Variants in NFATC1 observed in about 807,000 individuals in gnomAD.
NFATC1 encodes nuclear factor of activated T cells 1.
NFATC1 carries 22 observed loss-of-function variants against 76.0 expected under a neutral mutation model. The observed-to-expected ratio is 0.29, with a 90% confidence interval of 0.21 to 0.41. The LOEUF is 0.41. NFATC1 is among the 10% of genes least tolerant of loss of function. The pLI is 1.00. For missense variants in NFATC1, 1,357 were observed against 1,337.7 expected (o/e 1.01, Z -0.23); for synonymous variants, 704 against 613.1 (o/e 1.15, Z -2.19).
chr18:79,488,128 G>A (rs2089567752), intron 9 of NFATC1, among the ~76,000 whole-genome samples: 1 of 152,212 alleles, frequency 6.6e-6, no homozygotes, highest in South Asian at 2.1e-4. Context: ...CCATCTGCTG[G>A]GAAGGGAGTG....
intron 9 of NFATC1, among the ~76,000 whole-genome samples, chr18:79,517,633 C>G (rs1363957309): frequency 6.6e-6 from 1 of 152,190 alleles, no homozygotes; most frequent in Non-Finnish European, 1.5e-5. Flanking sequence ...AATGACAACT[C>G]TAAAGAAGGA....
chr18:79,511,187 G>A (rs2090241836), intron 9 of NFATC1, among the ~76,000 whole-genome samples: 1 of 152,260 alleles, frequency 6.6e-6, no homozygotes, highest in African/African-American at 2.4e-5. Flanking sequence ...ATTATGTGCA[G>A]TGTTGGAATA....
intron 6 of NFATC1, among the ~76,000 whole-genome samples, chr18:79,457,155 G>A (rs1263593422): frequency 6.6e-6 from 1 of 152,238 alleles, no homozygotes; most frequent in African/African-American, 2.4e-5. Context: ...GTCTTTGGGA[G>A]CAGGACAGGT....
At chr18:79,403,584 G>A (rs1026408593) in intron 1 of NFATC1, among the ~76,000 whole-genome samples, 9 of 152,242 alleles carry the variant, frequency 5.9e-5, no homozygotes, top group Non-Finnish European at 1.0e-4. Flanking sequence ...CAGCACTGTC[G>A]CCGTGGCAAC....
At chr18:79,404,843 C>T (rs989251247) in intron 1 of NFATC1, among the ~76,000 whole-genome samples, 5 of 152,178 alleles carry the variant, frequency 3.3e-5, no homozygotes, top group African/African-American at 4.8e-5. Flanking sequence ...CTCAGCACGG[C>T]GGGGTCTGCA....
intron 9 of NFATC1, among the ~76,000 whole-genome samples, chr18:79,518,507 C>T (rs1048769493): frequency 1.3e-5 from 2 of 152,208 alleles, no homozygotes; most frequent in Admixed American, 6.5e-5. Context: ...CCCCCCCTCT[C>T]GCTCGTGAAA....
Position 79,421,184 on chromosome 18 carries a change from G to A in NFATC1, c.1226+9683G>A, listed in dbSNP as rs139248235. The A allele has an allele frequency of 8.1e-3, 1,240 of 152,430 alleles. 9 individuals are homozygous for A. Among genetic ancestry groups the A allele is most frequent in the Non-Finnish European group, 0.011 (748 of 68,082 alleles). The allele number at this position is 152,430 out of a possible 1,614,324, so 9.4% of individuals were successfully genotyped here. ...GTTCTGATGTTGGTGTGCAAAATCAGTATTGTGCCTTTGTCCCCTCTGACC... is the reference window on the plus strand; with the variant it reads ...GTTCTGATGTTGGTGTGCAAAATCAATATTGTGCCTTTGTCCCCTCTGACC... On this transcript the variant is annotated intron_variant, in intron 2 of 9. Coordinates refer to ENST00000427363, the MANE Select transcript of NFATC1 (RefSeq NM_001278669.2).
At chr18:79,460,543 C>T (rs770422650) in intron 6 of NFATC1, among the ~76,000 whole-genome samples, 1 of 152,244 alleles carries the variant, frequency 6.6e-6, no homozygotes, top group Admixed American at 6.5e-5. Context: ...CGCGTCCTTT[C>T]ACTACACCTC....
chr18:79,416,116 A>G (rs976412524), intron 2 of NFATC1, among the ~76,000 whole-genome samples: 1 of 152,252 alleles, frequency 6.6e-6, no homozygotes, highest in Non-Finnish European at 1.5e-5. Flanking sequence ...GGGCTGCAAT[A>G]TTGAAGATTT....
intron 6 of NFATC1, among the ~76,000 whole-genome samples, chr18:79,456,789 G>T (rs936414540): frequency 1.3e-5 from 2 of 152,200 alleles, no homozygotes; most frequent in Admixed American, 1.3e-4. Flanking sequence ...ATGGACCCGG[G>T]GGATGGCTGC....
chr18:79,482,172 C>T (rs572900915), intron 8 of NFATC1, among the ~76,000 whole-genome samples: 2 of 148,366 alleles, frequency 1.3e-5, no homozygotes, highest in Non-Finnish European at 3.0e-5. Flanking sequence ...TGACCTGGTC[C>T]TGGGGTGTAA....
intron 8 of NFATC1, among the ~76,000 whole-genome samples, chr18:79,475,850 C>T (rs765363199): frequency 6.6e-6 from 1 of 152,194 alleles, no homozygotes; most frequent in East Asian, 1.9e-4. Context: ...GTCCTCAGAG[C>T]GTGTTTTAAA....
intron 3 of NFATC1, among the ~76,000 whole-genome samples, chr18:79,445,208 A>T (rs2087155254): frequency 6.6e-6 from 1 of 151,934 alleles, no homozygotes; most frequent in Admixed American, 6.6e-5. Context: ...TGTGCTGTTG[A>T]CTCATCTGCT....
intron 3 of NFATC1, among the ~76,000 whole-genome samples, chr18:79,435,014 G>A (rs1455262119): frequency 1.3e-5 from 2 of 152,216 alleles, no homozygotes; most frequent in Non-Finnish European, 2.9e-5. Flanking sequence ...GTCAGACAGC[G>A]CTGCACCACG....
Position 79,520,400 on chromosome 18 carries a change from C to T in NFATC1, c.2783-7128C>T, listed in dbSNP as rs2090489776. 2.1e-5 allele frequency among the ~76,000 whole-genome samples: 3 copies of T among 145,682 alleles called. No homozygotes were observed. The South Asian group carries it at 6.4e-4, about 31-fold the overall frequency. On this transcript the variant is annotated intron_variant, in intron 9 of 9. Transcript: ENST00000427363. ...GGAAGGCGAGTGGCAGCTCCGACATCCTGCTCCGCTGGCGCCTCTGGCCAC... is the reference window on the plus strand; with the variant it reads ...GGAAGGCGAGTGGCAGCTCCGACATTCTGCTCCGCTGGCGCCTCTGGCCAC...
At chr18:79,418,424 G>A (rs1041965117) in intron 2 of NFATC1, among the ~76,000 whole-genome samples, 3 of 152,226 alleles carry the variant, frequency 2.0e-5, no homozygotes, top group African/African-American at 7.2e-5. Context: ...ACTCCCAGGA[G>A]ACCTGGCGAG....
chr18:79,428,027 G>A (rs1374082298), intron 2 of NFATC1, among the ~76,000 whole-genome samples: 4 of 145,698 alleles, frequency 2.7e-5, no homozygotes, highest in Non-Finnish European at 4.5e-5. Context: ...ACTGGCCTCT[G>A]TGCAGTGGGG....
At chr18:79,468,009 A>C (rs546241573) in intron 8 of NFATC1, 220 of 994,658 alleles carry the variant, frequency 2.2e-4, no homozygotes, top group African/African-American at 1.7e-3. Context: ...TGTAGTCCTG[A>C]TGTGGTCTTT....
chr18:79,400,451 C>G (rs896935800), intron 1 of NFATC1: 4 of 1,490,762 alleles, frequency 2.7e-6, no homozygotes, highest in Non-Finnish European at 3.6e-6. Flanking sequence ...TTAACCAGCG[C>G]GACGAGGGCG....
Sources: gnomAD v4.1 joint callset for allele counts (sites outside exome capture counted in the v4.1 genomes callset) on GRCh38, gnomAD v4.1.1 for gene constraint, MANE v1.5 for transcripts, NCBI Gene and HGNC (gene_info 2026-07-23, HGNC 2026-07-21) for gene names.